CCDC85C: variants seen among roughly 807,000 people sequenced by gnomAD.
CCDC85C encodes coiled-coil domain-containing protein 85C.
Under a neutral mutation model 38.3 loss-of-function variants are expected in CCDC85C, and 18 were observed. The ratio of observed to expected loss-of-function variants is 0.47; its 90% CI spans 0.33 to 0.70. The LOEUF is 0.70. CCDC85C is among the 30% of genes least tolerant of loss of function. The pLI, the probability that CCDC85C is intolerant of heterozygous loss-of-function variation, is 0.03. For synonymous variants in CCDC85C, 264 were observed against 293.8 expected, an observed-to-expected ratio of 0.90 and a Z score of 1.04; for missense variants, 566 against 621.2, an observed-to-expected ratio of 0.91 and a Z score of 0.94.
At position 99,603,206 on chromosome 14, in the gene CCDC85C, C is replaced by G. The variant is rs989099509; in HGVS notation, c.754G>C (p.Ala252Pro). ...GGGATGCTGCGGTGGTGCGGCGGCG[C>G]CGACAAGTCGTCCAGGGACCGACGT... ...ATRRSLDDLS[A>P]PPHHRSIPNG... is the part of the protein sequence containing the mutation. The change falls in exon 1 of 6, where the codon GCG becomes CCG. Residue 252 changes from alanine (A) to proline (P), a missense_variant. By Grantham distance (27) the Ala-to-Pro change is conservative. Coordinates refer to ENST00000380243, the MANE Select transcript of CCDC85C (RefSeq NM_001144995.2). The surrounding 1 kb of genome is among the most constrained non-coding windows in gnomAD (Gnocchi z 7.5). 12 of 1,428,808 alleles carry G rather than the reference C, an allele frequency of 8.4e-6. No homozygotes were observed. Among genetic ancestry groups the G allele is most frequent in the Non-Finnish European group, 1.1e-5 (12 of 1,093,742 alleles). 88.5% of individuals were successfully genotyped at this position (1,428,808 alleles called of 1,614,324 possible).
Position 99,512,987 on chromosome 14 carries a change from G to C in CCDC85C, c.*2259C>G, listed in dbSNP as rs1897163216. The C allele has an allele frequency of 6.6e-6, 1 of 152,232 alleles. No individual in the cohort carries two copies. The allele number at this position is 152,232 out of a possible 1,614,324, so 9.4% of individuals were successfully genotyped here. On this transcript the variant is annotated 3_prime_UTR_variant, in exon 6 of 6. Coordinates refer to ENST00000380243, the MANE Select transcript of CCDC85C (RefSeq NM_001144995.2). ...GGTTCTGTCCTAGAAAGCCATCCCA[G>C]TGCCGTGTTGGCTCAGGGGTCACCA...
chr14:99,550,951 C>G (rs1897895436), intron 1 of CCDC85C, among the ~76,000 whole-genome samples: 1 of 152,242 alleles, frequency 6.6e-6, no homozygotes. Context: ...CATCACCAAT[C>G]CAGCAAAGGC....
chr14:99,517,623 G>A (rs1371796165), intron 3 of CCDC85C, among the ~76,000 whole-genome samples: 4 of 152,198 alleles, frequency 2.6e-5, no homozygotes, highest in Non-Finnish European at 4.4e-5. Context: ...TGGAGCCACC[G>A]GTGGGCGAGG....
chr14:99,544,985 C>A lies in CCDC85C; in HGVS notation c.794-8897G>T, dbSNP rs1897780412. Among the ~76,000 whole-genome samples the A allele has an allele frequency of 1.3e-5, 2 of 152,162 alleles. No homozygotes were observed. On this transcript the variant is annotated intron_variant, in intron 1 of 5. Transcript: ENST00000380243. This position sits in a 1 kb window ranked among gnomAD's most constrained non-coding sequence, Gnocchi z 5.3. Reference sequence around the variant, plus strand: ...CACTCTCCATCTCACACTTCCACAGCCGGATTAGAAATCAAACACGCCGAG... The same window carrying A: ...CACTCTCCATCTCACACTTCCACAGACGGATTAGAAATCAAACACGCCGAG...
At chr14:99,590,870 C>G (rs762129289) in intron 1 of CCDC85C, among the ~76,000 whole-genome samples, 1 of 152,178 alleles carries the variant, frequency 6.6e-6, no homozygotes, top group Non-Finnish European at 1.5e-5. Flanking sequence ...CAGGAAAGCA[C>G]CACAAGGCTG....
Position 99,569,439 on chromosome 14 carries a change from C to A in CCDC85C, c.794-33351G>T, listed in dbSNP as rs11620978. ...GCCCCAGCTCCGCCAGGCTGCCCTG[C>A]CCCACAGAGGCACCCACCACTGCCT... is the stretch of plus-strand genomic sequence containing the variant. On this transcript the variant is annotated intron_variant, in intron 1 of 5. Transcript: ENST00000380243. The surrounding 1 kb of genome is among the most constrained non-coding windows in gnomAD (Gnocchi z 4.3). Among the ~76,000 whole-genome samples, 28,527 of 152,176 alleles carry A rather than the reference C, an allele frequency of 0.19. 3,081 individuals are homozygous for A. The highest frequency in any genetic ancestry group is 0.27 in the Middle Eastern group (80 of 294).
chr14:99,578,176 AGT>A (rs768625861), intron 1 of CCDC85C, among the ~76,000 whole-genome samples: 1,255 of 68,024 alleles, frequency 0.018, 30 homozygotes, highest in Middle Eastern at 0.074. Context: ...ATCCCCCATC[AGT>A]GTGTGTGTGT....
In CCDC85C at chr14:99,599,750, C is replaced by T. The variant is rs148096034; in HGVS notation, c.793+3417G>A. On this transcript the variant is annotated intron_variant, in intron 1 of 5. Coordinates refer to ENST00000380243, the MANE Select transcript of CCDC85C (RefSeq NM_001144995.2). ...ACAAAAAATTCAAAAATTATCTGGGCATGGTAGCACACATCCCAGGAGGCC... is the reference window on the plus strand; with the variant it reads ...ACAAAAAATTCAAAAATTATCTGGGTATGGTAGCACACATCCCAGGAGGCC... Among the ~76,000 whole-genome samples, 239 of 152,242 alleles carry T rather than the reference C, an allele frequency of 1.6e-3. 2 individuals are homozygous for T. Among genetic ancestry groups the T allele is most frequent in the East Asian group, 9.7e-3 (50 of 5,174 alleles).
rs1484152923 is a variant in CCDC85C at position 99,548,407 on chromosome 14, G to GT, written c.794-12320dup. ...GGTCATGCTGTGTGACGGTGCACAC[G>GT]TAAGAACGGGCCACACAGGGGATGC... is the stretch of plus-strand genomic sequence containing the variant. On this transcript the variant is annotated intron_variant, in intron 1 of 5. Coordinates refer to ENST00000380243, the MANE Select transcript of CCDC85C (RefSeq NM_001144995.2). The surrounding 1 kb of genome is among the most constrained non-coding windows in gnomAD (Gnocchi z 4.9). Among the ~76,000 whole-genome samples the GT allele has an allele frequency of 6.6e-6, 1 of 152,128 alleles. No homozygotes were observed. Among genetic ancestry groups the GT allele is most frequent in the Non-Finnish European group, 1.5e-5 (1 of 68,032 alleles).
At chr14:99,591,696 G>A (rs1313218296) in intron 1 of CCDC85C, among the ~76,000 whole-genome samples, 4 of 151,732 alleles carry the variant, frequency 2.6e-5, no homozygotes, top group Non-Finnish European at 5.9e-5. Flanking sequence ...AGGAAGCCCC[G>A]ACTCCATACT....
chr14:99,593,220 C>T (rs991280569), intron 1 of CCDC85C, among the ~76,000 whole-genome samples: 52 of 152,242 alleles, frequency 3.4e-4, no homozygotes, highest in African/African-American at 1.2e-3. Flanking sequence ...CCTCTGATTC[C>T]TAGACAAGAG....
intron 1 of CCDC85C, among the ~76,000 whole-genome samples, chr14:99,536,943 C>A (rs1219145803): frequency 6.6e-6 from 1 of 152,214 alleles, no homozygotes; most frequent in Non-Finnish European, 1.5e-5. Context: ...ATGCCCAGGG[C>A]AAACCCTCAG....
intron 1 of CCDC85C, among the ~76,000 whole-genome samples, chr14:99,571,946 C>G (rs528502886): frequency 6.6e-6 from 1 of 152,286 alleles, no homozygotes; most frequent in African/African-American, 2.4e-5. Context: ...TGAGCTAGGC[C>G]CTGAAGCCTC....
At chr14:99,522,277 C>T in intron 2 of CCDC85C, 37 bp from the exon 3 acceptor site, 1 of 1,475,978 alleles carries the variant, frequency 6.8e-7, no homozygotes. Context: ...AGACGGAGGG[C>T]CAGGCTGAGG....
intron 1 of CCDC85C, among the ~76,000 whole-genome samples, chr14:99,601,521 C>T (rs1486112281): frequency 1.3e-5 from 2 of 152,186 alleles, no homozygotes; most frequent in Admixed American, 6.5e-5. Flanking sequence ...TCATTGATGA[C>T]GCAGCTGAAA....
intron 1 of CCDC85C, among the ~76,000 whole-genome samples, chr14:99,593,797 G>A (rs2055114958): frequency 6.6e-6 from 1 of 152,252 alleles, no homozygotes; most frequent in Admixed American, 6.5e-5. Flanking sequence ...AACCTCCAGA[G>A]CCTTCACAGC....
intron 1 of CCDC85C, chr14:99,580,103 G>A: frequency 2.2e-6 from 1 of 455,756 alleles, no homozygotes; most frequent in Non-Finnish European, 4.4e-6. Flanking sequence ...CAGGAATTCG[G>A]TCAGCAAAGT....
chr14:99,535,319 G>A lies in CCDC85C; in HGVS notation c.867+696C>T, dbSNP rs1407516511. Among the ~76,000 whole-genome samples, 1 of 152,170 alleles carries A rather than the reference G, an allele frequency of 6.6e-6. No individual in the cohort carries two copies. Among genetic ancestry groups the A allele is most frequent in the African/African-American group, 2.4e-5 (1 of 41,428 alleles). ...CGAGGGCTCGGAGGCTTGGGGGAGC[G>A]AGCGGCTTGAGAGGTCGCCAAGCCA... is the stretch of plus-strand genomic sequence containing the variant. On this transcript the variant is annotated intron_variant, in intron 2 of 5. Coordinates refer to ENST00000380243, the MANE Select transcript of CCDC85C (RefSeq NM_001144995.2). The surrounding 1 kb of genome is among the most constrained non-coding windows in gnomAD (Gnocchi z 5.5).
chr14:99,582,820 A>G (rs2054988043), intron 1 of CCDC85C, among the ~76,000 whole-genome samples: 1 of 152,208 alleles, frequency 6.6e-6, no homozygotes, highest in Non-Finnish European at 1.5e-5. Context: ...TCTCAAAAAA[A>G]GAAAAAAAAA....
Sources: gnomAD v4.1 joint callset for allele counts (sites outside exome capture counted in the v4.1 genomes callset) on GRCh38, gnomAD v4.1.1 for gene constraint, Gnocchi (gnomAD v3.1) non-coding constraint, MANE v1.5 for transcripts, NCBI Gene and HGNC (gene_info 2026-07-23, HGNC 2026-07-21) for gene names.